The following TBC1D32 variants were observed in gnomAD, a reference collection of about 807,000 sequenced individuals.
TBC1D32 encodes the protein TBC1 domain family member 32.
In TBC1D32, 151 loss-of-function variants were observed where a neutral mutation model predicts 170.3. The observed-to-expected ratio is 0.89, with a 90% CI of 0.78 to 1.01. TBC1D32 has a LOEUF of 1.01. Among genes scored for constraint, TBC1D32 ranks in the 50% least tolerant of loss-of-function variants. The pLI, the probability that TBC1D32 is intolerant of heterozygous loss-of-function variation, is 0.00. For missense variants in TBC1D32, 1,464 were observed against 1,457.1 expected, an observed-to-expected ratio of 1.00 and a Z score of -0.08; for synonymous variants, 498 against 488.0, an observed-to-expected ratio of 1.02 and a Z score of -0.27.
chr6:121,315,778 C>A (rs1277318639), intron 3 of TBC1D32, among the ~76,000 whole-genome samples: 1 of 152,008 alleles, frequency 6.6e-6, no homozygotes, highest in Non-Finnish European at 1.5e-5. Flanking sequence ...TCTCTTTGGT[C>A]AGCTATATGA....
chr6:121,322,744 T>C (rs1236146421), intron 1 of TBC1D32, among the ~76,000 whole-genome samples: 4 of 152,204 alleles, frequency 2.6e-5, no homozygotes, highest in African/African-American at 7.2e-5. Flanking sequence ...ATCTTGTACA[T>C]AGTAAACACT....
chr6:121,083,189 C>G (rs1264786126), intron 31 of TBC1D32, among the ~76,000 whole-genome samples: 1 of 151,928 alleles, frequency 6.6e-6, no homozygotes. Flanking sequence ...ATATCAAACT[C>G]TATATAAAAT....
At chr6:121,293,970 G>A (rs943964667) in intron 11 of TBC1D32, among the ~76,000 whole-genome samples, 3 of 152,068 alleles carry the variant, frequency 2.0e-5, no homozygotes, top group Admixed American at 6.6e-5. Context: ...ATCTATTAGT[G>A]TAGGGAATTA....
intron 22 of TBC1D32, among the ~76,000 whole-genome samples, chr6:121,189,820 T>C (rs767076973): frequency 1.3e-5 from 2 of 152,040 alleles, no homozygotes; most frequent in Non-Finnish European, 2.9e-5. Context: ...GGTTTTCCCA[T>C]CAGTCCTGAA....
chr6:121,190,284 CT>C (rs1242918239), intron 22 of TBC1D32, among the ~76,000 whole-genome samples: 1 of 149,138 alleles, frequency 6.7e-6, no homozygotes, highest in East Asian at 2.0e-4. Flanking sequence ...CTCATTCCCC[CT>C]CCACCTTATC....
chr6:121,093,305 C>T (rs1777029803), intron 30 of TBC1D32, among the ~76,000 whole-genome samples: 2 of 152,106 alleles, frequency 1.3e-5, no homozygotes, highest in African/African-American at 2.4e-5. Context: ...GTATCTCCTG[C>T]TCCCTCTCGA....
At chr6:121,277,504 A>C (rs1369414801) in intron 15 of TBC1D32, among the ~76,000 whole-genome samples, 1 of 150,870 alleles carries the variant, frequency 6.6e-6, no homozygotes, top group Non-Finnish European at 1.5e-5. Context: ...AAAAAAAAAA[A>C]AAAAAACCAC....
At chr6:121,251,713 A>T (rs1313186693) in intron 17 of TBC1D32, among the ~76,000 whole-genome samples, 1 of 152,242 alleles carries the variant, frequency 6.6e-6, no homozygotes, top group Admixed American at 6.5e-5. Context: ...ATGGGATCTA[A>T]TTAAACTACA....
intron 20 of TBC1D32, among the ~76,000 whole-genome samples, chr6:121,231,709 G>A (rs1795762955): frequency 6.6e-6 from 1 of 151,808 alleles, no homozygotes; most frequent in African/African-American, 2.4e-5. Context: ...GGCCATTTGT[G>A]TATCTTCTTT....
intron 22 of TBC1D32, among the ~76,000 whole-genome samples, chr6:121,188,238 T>C (rs1789462601): frequency 6.6e-6 from 1 of 152,144 alleles, no homozygotes; most frequent in Admixed American, 6.6e-5. Flanking sequence ...ACTATATTAG[T>C]ATTATGCAGT....
chr6:121,217,269 C>A (rs1252583485), intron 21 of TBC1D32, among the ~76,000 whole-genome samples: 2 of 152,238 alleles, frequency 1.3e-5, no homozygotes, highest in Admixed American at 1.3e-4. Context: ...ATAAGGCCCA[C>A]CAGAAGCAAT....
intron 30 of TBC1D32, among the ~76,000 whole-genome samples, chr6:121,102,696 A>T (rs560529253): frequency 6.6e-6 from 1 of 152,166 alleles, no homozygotes; most frequent in Non-Finnish European, 1.5e-5. Context: ...CTTCATGACT[A>T]AGACACCAAA....
At chr6:121,317,793 G>A (rs2128496884) in intron 2 of TBC1D32, 121 bp from the exon 3 acceptor site, 3 of 630,736 alleles carry the variant, frequency 4.8e-6, no homozygotes, top group East Asian at 3.2e-5. Flanking sequence ...ACAATGCTAA[G>A]GAGAAAAATC....
chr6:121,291,928 A>G (rs1804925107), intron 12 of TBC1D32, 125 bp downstream of exon 12: 2 of 1,031,044 alleles, frequency 1.9e-6, no homozygotes, highest in Non-Finnish European at 2.6e-6. Flanking sequence ...TAAGCTATCA[A>G]TAGACTAAAA....
At chr6:121,184,762 T>C (rs1414343665) in intron 22 of TBC1D32, among the ~76,000 whole-genome samples, 1 of 151,772 alleles carries the variant, frequency 6.6e-6, no homozygotes, top group African/African-American at 2.4e-5. Context: ...GAATCTATGT[T>C]CCCTTTGTTA....
chr6:121,273,794 C>T (rs1215237055), intron 15 of TBC1D32, among the ~76,000 whole-genome samples: 1 of 152,096 alleles, frequency 6.6e-6, no homozygotes, highest in Non-Finnish European at 1.5e-5. Context: ...TCACCACTGG[C>T]CAATTAAAGG....
At chr6:121,096,206 TA>T (rs1017432553) in intron 30 of TBC1D32, 7 of 152,166 alleles carry the variant, frequency 4.6e-5, no homozygotes, top group Non-Finnish European at 1.0e-4. Context: ...CTAGATTTTC[TA>T]GTTTATTTGT....
chr6:121,179,053 A>G (rs1435723666), intron 22 of TBC1D32, among the ~76,000 whole-genome samples: 2 of 152,134 alleles, frequency 1.3e-5, no homozygotes, highest in East Asian at 1.9e-4. Flanking sequence ...GTTTATAGAA[A>G]TTTTTTAATA....
intron 24 of TBC1D32, among the ~76,000 whole-genome samples, chr6:121,150,052 T>C (rs752039128): frequency 5.3e-5 from 8 of 152,172 alleles, no homozygotes; most frequent in Non-Finnish European, 1.2e-4. Flanking sequence ...AACACTATGT[T>C]GAATAGGATT....
Sources: gnomAD v4.1 joint callset for allele counts (sites outside exome capture counted in the v4.1 genomes callset) on GRCh38, gnomAD v4.1.1 for gene constraint, MANE v1.5 for transcripts, NCBI Gene and HGNC (gene_info 2026-07-23, HGNC 2026-07-21) for gene names.